Variants in CLIP4 observed in about 807,000 individuals in gnomAD.
CLIP4 encodes the protein CAP-Gly domain containing linker protein family member 4, also known as CAP-Gly domain-containing linker protein 4.
A neutral mutation model predicts 73.1 loss-of-function variants in CLIP4; 47 were observed. That is an observed-to-expected ratio of 0.64 (90% CI 0.51 to 0.82). CLIP4 has a LOEUF of 0.82. Among genes scored for constraint, CLIP4 ranks in the 40% least tolerant of loss-of-function variants. The probability of loss-of-function intolerance (pLI) is 0.00; values close to 1 mark genes in which losing one functional copy is unlikely to be tolerated. For missense variants in CLIP4, 874 were observed against 852.9 expected (o/e 1.02, Z -0.31); for synonymous variants, 306 against 295.4 (o/e 1.04, Z -0.37).
chr2:29,131,269 T>A lies in CLIP4; in HGVS notation c.145T>A (p.Phe49Ile). 6.3e-7 allele frequency: 1 copy of A among 1,598,594 alleles called. No individual in the cohort carries two copies. The highest frequency in any genetic ancestry group is 8.5e-7 in the Non-Finnish European group (1 of 1,174,276). ...TTTTTTTATTTCAGAATTTTCTTTCTTTGATCCTAATGATGCATCATGCCA... is the reference window on the plus strand; with the variant it reads ...TTTTTTTATTTCAGAATTTTCTTTCATTGATCCTAATGATGCATCATGCCA... ...PMPSDCEFSF[F>I]DPNDASCQEI... Residue 49 changes from phenylalanine to isoleucine, a missense_variant, in exon 3 of 16, where the codon TTT becomes ATT. By Grantham distance (21) the Phe-to-Ile change is conservative (BLOSUM62 0). Transcript: ENST00000320081.
At chr2:29,145,879 G>A (rs7573550) in intron 8 of CLIP4, among the ~76,000 whole-genome samples, 82,519 of 151,928 alleles carry the variant, frequency 0.54, 23,376 homozygotes, top group East Asian at 0.91. Flanking sequence ...ACAGGGTTTC[G>A]CCATGTTGGC....
At chr2:29,148,559 C>A (rs1204159669) in intron 8 of CLIP4, among the ~76,000 whole-genome samples, 1 of 152,180 alleles carries the variant, frequency 6.6e-6, no homozygotes, top group East Asian at 1.9e-4. Context: ...ACAAAACTGT[C>A]TCTTAGCTTG....
chr2:29,133,059 A>G (rs1665091620), intron 4 of CLIP4, among the ~76,000 whole-genome samples: 1 of 152,078 alleles, frequency 6.6e-6, no homozygotes, highest in Admixed American at 6.6e-5. Context: ...ATGGTGGTGC[A>G]TGCCTAGAGT....
At chr2:29,155,805 A>G (rs1259540656) in intron 9 of CLIP4, among the ~76,000 whole-genome samples, 2 of 151,982 alleles carry the variant, frequency 1.3e-5, no homozygotes, top group Non-Finnish European at 2.9e-5. Flanking sequence ...TGCTGTCAGG[A>G]GAGTGTTATT....
chr2:29,129,099 T>C (rs1664802418), intron 2 of CLIP4, among the ~76,000 whole-genome samples: 1 of 152,192 alleles, frequency 6.6e-6, no homozygotes, highest in Non-Finnish European at 1.5e-5. Context: ...AGACATTAAA[T>C]AGCTAAGCAT....
intron 4 of CLIP4, among the ~76,000 whole-genome samples, chr2:29,133,031 T>C (rs919686374): frequency 6.6e-6 from 1 of 151,906 alleles, no homozygotes; most frequent in African/African-American, 2.4e-5. Context: ...CTACAAAAAA[T>C]TAAAAAATTA....
At chr2:29,175,824 T>G (rs554740429) in intron 15 of CLIP4, among the ~76,000 whole-genome samples, 82 of 152,182 alleles carry the variant, frequency 5.4e-4, no homozygotes, top group East Asian at 1.4e-3. Context: ...TGCAGTGGCG[T>G]GATCTCGGCT....
At chr2:29,117,993 G>A (rs1663984615) in intron 1 of CLIP4, among the ~76,000 whole-genome samples, 1 of 152,206 alleles carries the variant, frequency 6.6e-6, no homozygotes, top group South Asian at 2.1e-4. Flanking sequence ...GTAAATACCT[G>A]TTTAGTAGAT....
chr2:29,131,936 T>C (rs13423521), intron 3 of CLIP4: 6,054 of 487,358 alleles, frequency 0.012, 304 homozygotes, highest in African/African-American at 0.11. Flanking sequence ...GAATAATCTT[T>C]AAGAATTTCC....
chr2:29,169,403 C>G (rs1045666620), intron 14 of CLIP4, among the ~76,000 whole-genome samples: 15 of 149,468 alleles, frequency 1.0e-4, no homozygotes, highest in African/African-American at 1.5e-4. Flanking sequence ...AGACACTAGT[C>G]ATGTTGGATT....
chr2:29,101,596 G>T (rs537755702), intron 1 of CLIP4, among the ~76,000 whole-genome samples: 35 of 152,240 alleles, frequency 2.3e-4, no homozygotes, highest in African/African-American at 8.4e-4. Context: ...GCCTCTCCCA[G>T]CCCACGGACT....
intron 8 of CLIP4, among the ~76,000 whole-genome samples, chr2:29,149,728 TAAA>T (rs10532407): frequency 2.8e-4 from 41 of 144,444 alleles, no homozygotes; most frequent in Non-Finnish European, 3.5e-4. Flanking sequence ...CTTTGGCTAA[TAAA>T]AAAAAAAAAA....
chr2:29,129,030 A>G (rs994724329), intron 2 of CLIP4, among the ~76,000 whole-genome samples: 2 of 152,186 alleles, frequency 1.3e-5, no homozygotes, highest in African/African-American at 2.4e-5. Context: ...GTGGACTTAC[A>G]TTGATTTAAT....
chr2:29,126,354 C>T (rs1664602577), intron 2 of CLIP4, among the ~76,000 whole-genome samples: 1 of 152,076 alleles, frequency 6.6e-6, no homozygotes, highest in African/African-American at 2.4e-5. Context: ...CTGGGTTATT[C>T]TGGCATTAAT....
chr2:29,149,625 A>T (rs770472922), intron 8 of CLIP4, among the ~76,000 whole-genome samples: 38 of 152,014 alleles, frequency 2.5e-4, no homozygotes, highest in South Asian at 8.3e-4. Context: ...TCCTATCAAT[A>T]CTTCAGTTAG....
At chr2:29,123,189 A>G (rs1664383627) in intron 2 of CLIP4, among the ~76,000 whole-genome samples, 1 of 152,238 alleles carries the variant, frequency 6.6e-6, no homozygotes, top group African/African-American at 2.4e-5. Context: ...TCCTTAGGCT[A>G]CACATTTCTG....
chr2:29,158,048 A>G (rs1257056981), intron 11 of CLIP4, among the ~76,000 whole-genome samples: 1 of 152,216 alleles, frequency 6.6e-6, no homozygotes, highest in Non-Finnish European at 1.5e-5. Flanking sequence ...TTTCTAAAAA[A>G]ATACTTGATG....
At chr2:29,166,785 G>A (rs1667652457) in intron 13 of CLIP4, among the ~76,000 whole-genome samples, 1 of 152,092 alleles carries the variant, frequency 6.6e-6, no homozygotes. Context: ...CCTATGAATT[G>A]TAATGTGAAA....
At chr2:29,142,494 T>G (rs1665842182) in intron 6 of CLIP4, among the ~76,000 whole-genome samples, 1 of 152,182 alleles carries the variant, frequency 6.6e-6, no homozygotes, top group Non-Finnish European at 1.5e-5. Flanking sequence ...CTCTCTCTGT[T>G]TTTTAGAGAG....
Sources: gnomAD v4.1 joint callset for allele counts (sites outside exome capture counted in the v4.1 genomes callset) on GRCh38, gnomAD v4.1.1 for gene constraint, MANE v1.5 for transcripts, NCBI Gene and HGNC (gene_info 2026-07-23, HGNC 2026-07-21) for gene names.